Variants in PLPPR4 observed in about 807,000 individuals in gnomAD.
PLPPR4 encodes phospholipid phosphatase related 4.
In PLPPR4, 24 loss-of-function variants were observed where a neutral mutation model predicts 56.6. The observed-to-expected ratio is 0.42, with a 90% confidence interval of 0.31 to 0.60. The LOEUF (loss-of-function observed/expected upper bound fraction) is 0.60, where lower values mean the gene tolerates loss of function less well. Ranked by LOEUF, PLPPR4 falls within the 20% of genes least tolerant of loss-of-function variation. The pLI, the probability that PLPPR4 is intolerant of heterozygous loss-of-function variation, is 0.13. For synonymous variants in PLPPR4, 326 were observed against 328.1 expected (o/e 0.99, Z 0.07); for missense variants, 654 against 885.8 (o/e 0.74, Z 3.32).
In PLPPR4 at chr1:99,306,764, T is replaced by C. The variant is rs1442417826; in HGVS notation, c.1902T>C (p.Ser634=). ...AGTCTCTGAAAGACAGCTTTGGTTC[T>C]GGAGATCGCAAGAGAAGCAACATTG... The part of the protein sequence containing the change: ...SCESLKDSFG[S]GDRKRSNIDS... The change falls in exon 7 of 7, where the codon TCT becomes TCC. Residue 634 remains serine (S), a synonymous_variant. Transcript: ENST00000370185. This position sits in a 1 kb window ranked among gnomAD's most constrained non-coding sequence, Gnocchi z 4.0. 6.2e-7 allele frequency: 1 copy of C among 1,614,038 alleles called. No individual in the cohort carries two copies. The highest frequency in any genetic ancestry group is 8.5e-7 in the Non-Finnish European group (1 of 1,179,988).
chr1:99,281,124 T>A (rs1230787163), intron 1 of PLPPR4, among the ~76,000 whole-genome samples: 2 of 152,146 alleles, frequency 1.3e-5, no homozygotes, highest in East Asian at 3.8e-4. Flanking sequence ...TGACAGTATA[T>A]GAAGCATTTC....
chr1:99,306,244 T>C lies in PLPPR4; in HGVS notation c.1382T>C (p.Val461Ala). Residue 461 changes from valine (V) to alanine (A), a missense_variant, in exon 7 of 7, where the codon GTC becomes GCC. Val to Ala is a moderately conservative substitution (Grantham distance 64). Around this residue, in one of 2 missense-constraint regions of PLPPR4, gnomAD observed 468 missense variants for 554.3 expected, o/e 0.84. Coordinates refer to ENST00000370185, the MANE Select transcript of PLPPR4 (RefSeq NM_014839.5). The surrounding 1 kb of genome is among the most constrained non-coding windows in gnomAD (Gnocchi z 4.0). The stretch of plus-strand genomic sequence containing the variant: ...TACCTCAAAATCCAGCCTGGCGCTG[T>C]CCCCGGATGTAACAACAGCATGCCT... ...NQYLKIQPGA[V>A]PGCNNSMPGG... The C allele has an allele frequency of 1.2e-6, 2 of 1,614,084 alleles. No individual in the cohort carries two copies. Among genetic ancestry groups the C allele is most frequent in the Non-Finnish European group, 1.7e-6 (2 of 1,179,998 alleles).
At chr1:99,301,062 T>G in intron 5 of PLPPR4, 96 bp downstream of exon 5, 1 of 1,078,856 alleles carries the variant, frequency 9.3e-7, no homozygotes, top group Non-Finnish European at 1.4e-6. Context: ...TATAACCATG[T>G]AATAACAGAA....
intron 3 of PLPPR4, among the ~76,000 whole-genome samples, chr1:99,297,184 G>A (rs1236771302): frequency 6.6e-6 from 1 of 152,120 alleles, no homozygotes; most frequent in Non-Finnish European, 1.5e-5. Flanking sequence ...TTTTCAAAAT[G>A]GAGAACAAAC....
At chr1:99,298,738 C>A in intron 3 of PLPPR4, 1 of 582,150 alleles carries the variant, frequency 1.7e-6, no homozygotes, top group African/African-American at 1.9e-5. Context: ...CAAATAATAC[C>A]TTAGCATGTT....
At chr1:99,291,884 C>G (rs565010312) in intron 2 of PLPPR4, among the ~76,000 whole-genome samples, 6 of 151,930 alleles carry the variant, frequency 3.9e-5, no homozygotes, top group Non-Finnish European at 8.8e-5. Context: ...ATATAACAAA[C>G]CTGCACATCC....
intron 1 of PLPPR4, among the ~76,000 whole-genome samples, chr1:99,275,331 T>C (rs1208103469): frequency 6.6e-6 from 1 of 152,190 alleles, no homozygotes; most frequent in African/African-American, 2.4e-5. Context: ...TTTGATGGTG[T>C]TACATCTTTC....
At chr1:99,293,375 G>C (rs1659669441) in intron 2 of PLPPR4, among the ~76,000 whole-genome samples, 1 of 151,842 alleles carries the variant, frequency 6.6e-6, no homozygotes, top group South Asian at 2.1e-4. Flanking sequence ...TTCTGAAATT[G>C]CCCTTAAATT....
At chr1:99,280,693 A>T (rs1659302203) in intron 1 of PLPPR4, among the ~76,000 whole-genome samples, 1 of 152,174 alleles carries the variant, frequency 6.6e-6, no homozygotes. Context: ...GGGAGAAAAA[A>T]ATTACATGAT....
chr1:99,263,629 G>C (rs567853886), upstream of PLPPR4, among the ~76,000 whole-genome samples: 1 of 152,106 alleles, frequency 6.6e-6, no homozygotes, highest in African/African-American at 2.4e-5. Context: ...TGATACTTCT[G>C]GTTGCCAAAG....
At chr1:99,294,692 T>C (rs1659699430) in intron 2 of PLPPR4, among the ~76,000 whole-genome samples, 1 of 137,956 alleles carries the variant, frequency 7.2e-6, no homozygotes, top group Middle Eastern at 4.0e-3. Context: ...CAAGACTCAG[T>C]CTCAAAAAAA....
At chr1:99,289,254 G>A (rs12027179) in intron 2 of PLPPR4, among the ~76,000 whole-genome samples, 36,929 of 151,970 alleles carry the variant, frequency 0.24, 5,573 homozygotes, top group Admixed American at 0.33. Context: ...TAATGAATTC[G>A]CCTATTCAGG....
chr1:99,292,340 A>G (rs1048519190), intron 2 of PLPPR4, among the ~76,000 whole-genome samples: 2 of 152,154 alleles, frequency 1.3e-5, no homozygotes, highest in African/African-American at 2.4e-5. Flanking sequence ...TTCTCGTCCT[A>G]TAATAAATTC....
At position 99,302,503 on chromosome 1, in the gene PLPPR4, CT is replaced by C. The variant is rs1005438230; in HGVS notation, c.822+614del. On this transcript the variant is annotated intron_variant, in intron 6 of 6. Transcript: ENST00000370185. Reference sequence around the variant, plus strand: ...GTAACACTGAGAAATGAGATGTATTCTTTTTTTTATTATTATTATTATTATT... The same window carrying C: ...GTAACACTGAGAAATGAGATGTATTCTTTTTTTATTATTATTATTATTATT... Among the ~76,000 whole-genome samples the C allele has an allele frequency of 1.0e-4, 11 of 109,656 alleles. No homozygotes were observed. In the East Asian group the frequency reaches 2.8e-3, roughly 28 times the overall value. 71.9% of individuals were successfully genotyped at this position (109,656 alleles called of 152,430 possible).
At position 99,274,050 on chromosome 1, in the gene PLPPR4, G is replaced by T. The variant is rs1038385083; in HGVS notation, c.78+9379G>T. On this transcript the variant is annotated intron_variant, in intron 1 of 6. Transcript: ENST00000370185. The stretch of plus-strand genomic sequence containing the variant: ...AATTTCAAATAAAGGCATCACTGAA[G>T]CAAAGAACTTTGCAATTTTAATTTT... Among the ~76,000 whole-genome samples, 3 of 152,044 alleles carry T rather than the reference G, an allele frequency of 2.0e-5. No homozygotes were observed. The South Asian group carries it at 6.2e-4, about 31-fold the overall frequency.
At chr1:99,271,798 A>ATGAT (rs1462193201) in intron 1 of PLPPR4, among the ~76,000 whole-genome samples, 1 of 151,960 alleles carries the variant, frequency 6.6e-6, no homozygotes, top group African/African-American at 2.4e-5. Flanking sequence ...GTGTGTCCAA[A>ATGAT]TGATAGAAAG....
At position 99,289,408 on chromosome 1, in the gene PLPPR4, T is replaced by C. The variant is rs1659558189; in HGVS notation, c.264+1258T>C. On this transcript the variant is annotated intron_variant, in intron 2 of 6. Coordinates refer to ENST00000370185, the MANE Select transcript of PLPPR4 (RefSeq NM_014839.5). Reference sequence around the variant, plus strand: ...TTTAAATACATAGTGTATAAAATATTCTCAGAAGATAAAATTGAAACTTAA... The same window carrying C: ...TTTAAATACATAGTGTATAAAATATCCTCAGAAGATAAAATTGAAACTTAA... Among the ~76,000 whole-genome samples the C allele has an allele frequency of 2.0e-5, 3 of 152,138 alleles. No individual in the cohort carries two copies. The South Asian group carries it at 6.2e-4, about 31-fold the overall frequency.
upstream of PLPPR4, among the ~76,000 whole-genome samples, chr1:99,263,651 T>C (rs1357546397): frequency 1.3e-5 from 2 of 152,170 alleles, no homozygotes; most frequent in East Asian, 3.9e-4. Flanking sequence ...AATCACAAAA[T>C]TGAGACTAGC....
chr1:99,278,361 A>G (rs1347362292), intron 1 of PLPPR4, among the ~76,000 whole-genome samples: 2 of 152,158 alleles, frequency 1.3e-5, no homozygotes, highest in Admixed American at 6.6e-5. Context: ...TCTTCATCAA[A>G]AAGGTGTTGT....
Sources: allele counts gnomAD v4.1 joint callset (sites outside exome capture counted in the v4.1 genomes callset), GRCh38; gene constraint gnomAD v4.1.1; regional missense constraint gnomAD v4.1.1; non-coding constraint Gnocchi (gnomAD v3.1); transcripts MANE v1.5; gene names NCBI Gene and HGNC (gene_info 2026-07-23, HGNC 2026-07-21).